The following FAT4 variants were observed in gnomAD, a reference collection of about 807,000 sequenced individuals.
FAT4 encodes protocadherin Fat 4.
A neutral mutation model predicts 303.9 loss-of-function variants in FAT4; 84 were observed. The ratio of observed to expected loss-of-function variants is 0.28; its 90% CI spans 0.23 to 0.33. The LOEUF is 0.33. Among genes scored for constraint, FAT4 ranks in the 10% least tolerant of loss-of-function variants. The pLI, the probability that FAT4 is intolerant of heterozygous loss-of-function variation, is 1.00. For missense variants in FAT4, 6,005 were observed against 6,146.8 expected, an observed-to-expected ratio of 0.98 and a Z score of 0.77; for synonymous variants, 2,307 against 2,298.8, an observed-to-expected ratio of 1.00 and a Z score of -0.10.
Position 125,481,750 on chromosome 4 carries a change from G to T in FAT4, c.12822+12G>T, listed in dbSNP as rs775558776. 1 of 1,611,154 alleles carries T rather than the reference G, an allele frequency of 6.2e-7. No individual in the cohort carries two copies. Among genetic ancestry groups the T allele is most frequent in the Non-Finnish European group, 8.5e-7 (1 of 1,177,388 alleles). ...ACACTACTGTGAAGGTGAGATAAAA[G>T]CTAATGGTGACTTCATTTGATTAGA... is the stretch of plus-strand genomic sequence containing the variant. On this transcript the variant is annotated intron_variant, in intron 16 of 17. Coordinates refer to ENST00000394329, the MANE Select transcript of FAT4 (RefSeq NM_001291303.3).
intron 7 of FAT4, among the ~76,000 whole-genome samples, chr4:125,421,047 C>T (rs1422629819): frequency 5.3e-5 from 8 of 152,164 alleles, no homozygotes; most frequent in East Asian, 1.9e-4. Flanking sequence ...TCTCCTGCCT[C>T]AGCCTCCCAA....
intron 2 of FAT4, among the ~76,000 whole-genome samples, chr4:125,363,685 G>A (rs1482045789): frequency 2.0e-5 from 3 of 151,794 alleles, no homozygotes; most frequent in African/African-American, 4.8e-5. Context: ...TAGTAGAGAC[G>A]GGGTTTCACT....
At chr4:125,350,329 A>G (rs551809903) in intron 2 of FAT4, among the ~76,000 whole-genome samples, 8 of 151,728 alleles carry the variant, frequency 5.3e-5, no homozygotes, top group Non-Finnish European at 1.0e-4. Flanking sequence ...ATGAGAAACC[A>G]TAGATTTTGG....
In FAT4 at chr4:125,319,408, C is replaced by T. The variant is rs780919201; in HGVS notation, c.2997C>T (p.Leu999=). 1.2e-6 allele frequency: 2 copies of T among 1,613,542 alleles called. No homozygotes were observed. Among genetic ancestry groups the T allele is most frequent in the East Asian group, 2.2e-5 (1 of 44,882 alleles). ...VNDNSPVFDQ[L]SYEVTLSESE... Reference sequence around the variant, plus strand: ...ACAATTCACCAGTGTTTGACCAACTCTCTTATGAAGTCACCCTTTCTGAGT... The same window carrying T: ...ACAATTCACCAGTGTTTGACCAACTTTCTTATGAAGTCACCCTTTCTGAGT... Residue 999 remains leucine, a synonymous_variant, in exon 2 of 18, where the codon CTC becomes CTT. Transcript: ENST00000394329.
Position 125,434,359 on chromosome 4 carries a change from C to A in FAT4, c.7133C>A (p.Pro2378Gln), listed in dbSNP as rs759934368. Residue 2378 changes from proline to glutamine, a missense_variant, in exon 8 of 18, where the codon CCA (proline) becomes CAA (glutamine). Physicochemically the swap from Pro to Gln is moderately conservative, Grantham distance 76 (BLOSUM62 -1). Coordinates refer to ENST00000394329, the MANE Select transcript of FAT4 (RefSeq NM_001291303.3). ...AYFTTIPEDA[P>Q]TGTDVLLVNA... is the part of the protein sequence containing the mutation. ...TTCACAACAATTCCTGAGGATGCACCAACTGGAACAGATGTTTTATTGGTA... is the reference window on the plus strand; with the variant it reads ...TTCACAACAATTCCTGAGGATGCACAAACTGGAACAGATGTTTTATTGGTA... 1.7e-5 allele frequency: 28 copies of A among 1,613,880 alleles called. No individual in the cohort carries two copies. The highest frequency in any genetic ancestry group is 2.4e-5 in the Non-Finnish European group (28 of 1,179,962).
chr4:125,352,750 G>A (rs974974239), intron 2 of FAT4, among the ~76,000 whole-genome samples: 8 of 150,994 alleles, frequency 5.3e-5, no homozygotes, highest in Non-Finnish European at 1.2e-4. Context: ...GGGCTAGCAC[G>A]CATACATTGC....
intron 8 of FAT4, among the ~76,000 whole-genome samples, chr4:125,443,603 A>T (rs9995153): frequency 0.99 from 151,316 of 152,344 alleles, 75,153 homozygotes; most frequent in Middle Eastern, 1. Context: ...CTATAAGGAT[A>T]GTTTTGGGAT....
intron 8 of FAT4, among the ~76,000 whole-genome samples, chr4:125,440,483 A>G (rs1725615263): frequency 6.6e-6 from 1 of 151,810 alleles, no homozygotes; most frequent in Admixed American, 6.6e-5. Flanking sequence ...ATTTCTTATC[A>G]TCCTGCATCT....
intron 10 of FAT4, among the ~76,000 whole-genome samples, chr4:125,457,048 A>G: frequency 6.6e-6 from 1 of 152,014 alleles, no homozygotes; most frequent in Non-Finnish European, 1.5e-5. Flanking sequence ...GAAATTACAA[A>G]TTGGAGCTGC....
chr4:125,330,523 G>A (rs1268182031), intron 2 of FAT4, among the ~76,000 whole-genome samples: 1 of 152,168 alleles, frequency 6.6e-6, no homozygotes, highest in East Asian at 1.9e-4. Flanking sequence ...GTGGGTGTGA[G>A]TGATATAATT....
intron 2 of FAT4, among the ~76,000 whole-genome samples, chr4:125,389,353 T>TTTTA (rs1186859534): frequency 2.0e-5 from 3 of 152,112 alleles, no homozygotes; most frequent in Admixed American, 2.0e-4. Flanking sequence ...TTTCTTGTAC[T>TTTTA]AAAGTGTTTC....
intron 15 of FAT4, among the ~76,000 whole-genome samples, chr4:125,480,358 T>C (rs2126086358): frequency 6.6e-6 from 1 of 152,290 alleles, no homozygotes; most frequent in African/African-American, 2.4e-5. Flanking sequence ...GAATTAATTT[T>C]GAATATTACT....
rs1725965166 is a variant in FAT4 at position 125,449,506 on chromosome 4, C to A, written c.8496C>A (p.Ser2832Arg). 2 of 1,613,726 alleles carry A rather than the reference C, an allele frequency of 1.2e-6. No homozygotes were observed. Among genetic ancestry groups the A allele is most frequent in the African/African-American group, 2.7e-5 (2 of 74,892 alleles). The change falls in exon 10 of 18, where the codon AGC (serine) becomes AGA (arginine). Residue 2832 changes from serine to arginine, a missense_variant. By Grantham distance (110) the Ser-to-Arg change is moderately radical. Transcript: ENST00000394329. ...CCAGCACAGGGGATATTGTCATAAG[C>A]AGACCTTTAAATAGGGAAGATACAG... ...INPSTGDIVISRPLNREDTDR... is the reference protein window; with the variant it reads ...INPSTGDIVIRRPLNREDTDR...
At chr4:125,368,289 C>T (rs1265041871) in intron 2 of FAT4, among the ~76,000 whole-genome samples, 1 of 151,786 alleles carries the variant, frequency 6.6e-6, no homozygotes, top group East Asian at 1.9e-4. Flanking sequence ...TATTAAATAA[C>T]CATGTTTTTA....
intron 2 of FAT4, among the ~76,000 whole-genome samples, chr4:125,381,024 A>G (rs1327788668): frequency 3.9e-5 from 6 of 152,184 alleles, no homozygotes; most frequent in Admixed American, 1.3e-4. Flanking sequence ...AAACATTCCA[A>G]TTTCAATAAA....
chr4:125,318,499 T>G lies in FAT4; in HGVS notation c.2088T>G (p.Ala696=), dbSNP rs750216812. The G allele has an allele frequency of 6.2e-7, 1 of 1,614,162 alleles. No homozygotes were observed. Among genetic ancestry groups the G allele is most frequent in the Non-Finnish European group, 8.5e-7 (1 of 1,180,044 alleles). The change falls in exon 2 of 18, where the codon GCT becomes GCG. Residue 696 remains alanine (A), a synonymous_variant. Coordinates refer to ENST00000394329, the MANE Select transcript of FAT4 (RefSeq NM_001291303.3). Reference sequence around the variant, plus strand: ...TCTTCTACCCGGTCCAATACTTTGCTCACATTAAGGAGAATGAGCCTGGAG... The same window carrying G: ...TCTTCTACCCGGTCCAATACTTTGCGCACATTAAGGAGAATGAGCCTGGAG... ...SPVFYPVQYF[A]HIKENEPGGS...
chr4:125,443,154 G>A (rs1725717654), intron 8 of FAT4, among the ~76,000 whole-genome samples: 1 of 152,060 alleles, frequency 6.6e-6, no homozygotes, highest in South Asian at 2.1e-4. Context: ...CTCAGGAAGA[G>A]GCAAAGAAGT....
At chr4:125,489,206 A>T (rs1578702567) in intron 17 of FAT4, among the ~76,000 whole-genome samples, 1 of 152,358 alleles carries the variant, frequency 6.6e-6, no homozygotes, top group Middle Eastern at 3.4e-3. Flanking sequence ...TTGGGCCCTG[A>T]GATAGGAATA....
At chr4:125,383,000 G>C (rs1733598663) in intron 2 of FAT4, among the ~76,000 whole-genome samples, 1 of 152,092 alleles carries the variant, frequency 6.6e-6, no homozygotes, top group South Asian at 2.1e-4. Flanking sequence ...GCAGAATTAG[G>C]GTCTTGCTCT....
Sources: gnomAD v4.1 joint callset for allele counts (sites outside exome capture counted in the v4.1 genomes callset) on GRCh38, gnomAD v4.1.1 for gene constraint, MANE v1.5 for transcripts, NCBI Gene and HGNC (gene_info 2026-07-23, HGNC 2026-07-21) for gene names.